The following COL3A1 variants were observed in gnomAD, a reference collection of about 807,000 sequenced individuals.
The protein encoded by COL3A1 is collagen type III alpha 1 chain.
A neutral mutation model predicts 200.9 loss-of-function variants in COL3A1; 46 were observed. That is an observed-to-expected ratio of 0.23 (90% CI 0.18 to 0.29). The LOEUF is 0.29. Among genes scored for constraint, COL3A1 ranks in the 10% least tolerant of loss-of-function variants. The pLI is 1.00. For missense variants in COL3A1, 1,367 were observed against 1,917.6 expected (o/e 0.71, Z 5.36); for synonymous variants, 650 against 628.0 (o/e 1.03, Z -0.52).
intron 6 of COL3A1, 22 bp from the exon 7 acceptor site, chr2:188,988,568 A>G (rs750363113): frequency 6.4e-7 from 1 of 1,550,420 alleles, no homozygotes; most frequent in Non-Finnish European, 8.9e-7. Context: ...CTTTAAAATT[A>G]TTTACATATT....
chr2:188,985,269 G>T (rs1688041673), intron 3 of COL3A1, 22 bp downstream of exon 3: 1 of 1,581,828 alleles, frequency 6.3e-7, no homozygotes. Flanking sequence ...TTCTTCAGTA[G>T]AATAAAATTA....
chr2:188,987,266 A>C, intron 5 of COL3A1, 127 bp downstream of exon 5: 2 of 763,180 alleles, frequency 2.6e-6, no homozygotes, highest in Non-Finnish European at 4.6e-6. Flanking sequence ...ACCCCTACTA[A>C]GGTTGGAAAA....
chr2:188,992,076 G>A, intron 13 of COL3A1, 108 bp from the exon 14 acceptor site: 3 of 1,002,450 alleles, frequency 3.0e-6, no homozygotes, highest in Non-Finnish European at 4.8e-6. Context: ...AGATTTTAAT[G>A]TACTTGAAGA....
chr2:189,003,112 A>G (rs1559060269), intron 36 of COL3A1, 50 bp downstream of exon 36: 6 of 1,383,724 alleles, frequency 4.3e-6, no homozygotes, highest in East Asian at 2.5e-5. Flanking sequence ...CTATCTATCT[A>G]TTGATTATCT....
At chr2:188,981,043 G>T (rs1398965359) in intron 1 of COL3A1, among the ~76,000 whole-genome samples, 2 of 151,234 alleles carry the variant, frequency 1.3e-5, no homozygotes, top group East Asian at 1.9e-4. Context: ...GTGCTTTAGG[G>T]AATAATATTA....
At position 188,974,583 on chromosome 2, in the gene COL3A1, A is replaced by C; in HGVS notation, c.79+15A>C. The C allele has an allele frequency of 6.2e-7, 1 of 1,607,306 alleles. No individual in the cohort carries two copies. The highest frequency in any genetic ancestry group is 8.5e-7 in the Non-Finnish European group (1 of 1,173,776). On this transcript the variant is annotated intron_variant, in intron 1 of 50. Transcript: ENST00000304636. Reference sequence around the variant, plus strand: ...ACAACAGGAAGGTGAGTAGGTACTGATTTCAAGAAACTTTATGGGATTTTT... The same window carrying C: ...ACAACAGGAAGGTGAGTAGGTACTGCTTTCAAGAAACTTTATGGGATTTTT...
chr2:189,001,585 G>T lies in COL3A1; in HGVS notation c.2387G>T (p.Ser796Ile). The T allele has an allele frequency of 3.1e-6, 5 of 1,613,648 alleles. No homozygotes were observed. Among genetic ancestry groups the T allele is most frequent in the Non-Finnish European group, 4.2e-6 (5 of 1,179,998 alleles). Residue 796 changes from serine to isoleucine, a missense_variant, in exon 34 of 51, where the codon AGC becomes ATC. Transcript: ENST00000304636. ...CCAGGTATAGCTGGACCTCGTGGTA[G>T]CCCTGTAAGTGTTAAAGACATTCTC... is the stretch of plus-strand genomic sequence containing the variant. Reference protein sequence around the residue: ...GLPGIAGPRGSPGERGETGPP... With the variant: ...GLPGIAGPRGIPGERGETGPP...
In COL3A1 at chr2:188,994,552, T is replaced by A; in HGVS notation, c.1305T>A (p.Gly435=). Residue 435 remains glycine, a synonymous_variant, in exon 19 of 51, where the codon GGT becomes GGA. Transcript: ENST00000304636. This position sits in a 1 kb window ranked among gnomAD's most constrained non-coding sequence, Gnocchi z 4.5. ...TTGTTATACTTTAGGGTGAGCCTGG[T>A]AAGAATGGTGCCAAAGGAGAGCCCG... is the stretch of plus-strand genomic sequence containing the variant. ...PGLRGGAGEP[G]KNGAKGEPGP... 1 of 1,614,158 alleles carries A rather than the reference T, an allele frequency of 6.2e-7. No homozygotes were observed. Among genetic ancestry groups the A allele is most frequent in the Non-Finnish European group, 8.5e-7 (1 of 1,180,028 alleles).
At chr2:188,993,516 A>G in intron 16 of COL3A1, 57 bp downstream of exon 16, 2 of 1,374,908 alleles carry the variant, frequency 1.5e-6, no homozygotes, top group East Asian at 2.5e-5. Context: ...CCATGAAAGC[A>G]TAGTTTCATG....
intron 44 of COL3A1, 87 bp downstream of exon 44, chr2:189,007,077 T>C (rs1688602418): frequency 1.4e-6 from 1 of 725,596 alleles, no homozygotes; most frequent in African/African-American, 1.9e-5. Context: ...TTTTCCAGCG[T>C]GTTCAGGAAA....
At chr2:189,007,141 T>G in intron 44 of COL3A1, 151 bp downstream of exon 44, 1 of 135,410 alleles carries the variant, frequency 7.4e-6, no homozygotes, top group Non-Finnish European at 1.3e-5. Context: ...ATATATATAT[T>G]TGTTCTATCT....
chr2:188,976,432 A>G (rs1687817886), intron 1 of COL3A1, among the ~76,000 whole-genome samples: 1 of 152,164 alleles, frequency 6.6e-6, no homozygotes, highest in Non-Finnish European at 1.5e-5. Context: ...AAAGAGTTGA[A>G]AGAGAACTGT....
Position 189,003,020 on chromosome 2 carries a change from C to G in COL3A1, c.2511C>G (p.Gly837=). Residue 837 remains glycine, a synonymous_variant, in exon 36 of 51, where the codon GGC becomes GGG. Transcript: ENST00000304636. ...RGAPGEKGEG[G]PPGVAGPPGG... is the part of the protein sequence containing the mutation. ...CTCCGGGTGAGAAAGGTGAAGGAGG[C>G]CCTCCTGGAGTTGCAGGACCCCCTG... 1 of 1,551,532 alleles carries G rather than the reference C, an allele frequency of 6.4e-7. No homozygotes were observed. The highest frequency in any genetic ancestry group is 8.7e-7 in the Non-Finnish European group (1 of 1,146,950).
Position 189,003,080 on chromosome 2 carries a change from T to C in COL3A1, c.2553+18T>C. The C allele has an allele frequency of 1.3e-6, 2 of 1,495,436 alleles. No homozygotes were observed. The highest frequency in any genetic ancestry group is 1.8e-6 in the Non-Finnish European group (2 of 1,095,846). 92.6% of individuals were successfully genotyped at this position (1,495,436 alleles called of 1,614,324 possible). The stretch of plus-strand genomic sequence containing the variant: ...GACCTGCTGTAAGTTCCTTCCTCTT[T>C]CTCTGTCTATCTATCTATCATCTAT... On this transcript the variant is annotated intron_variant, in intron 36 of 50. Coordinates refer to ENST00000304636, the MANE Select transcript of COL3A1 (RefSeq NM_000090.4).
chr2:188,983,932 A>G (rs1418287243), intron 1 of COL3A1, among the ~76,000 whole-genome samples: 4 of 151,978 alleles, frequency 2.6e-5, no homozygotes, highest in African/African-American at 9.7e-5. Context: ...GCTGATTCAT[A>G]GTTAATAGCT....
Position 189,004,380 on chromosome 2 carries a change from T to A in COL3A1, c.2931+16T>A. On this transcript the variant is annotated intron_variant, in intron 40 of 50. Transcript: ENST00000304636. Reference sequence around the variant, plus strand: ...GGGTGTCAAGGTGAGTATAGTCATTTTCCACTACACTCTTCCTTCCTTTGG... The same window carrying A: ...GGGTGTCAAGGTGAGTATAGTCATTATCCACTACACTCTTCCTTCCTTTGG... 6.4e-7 allele frequency: 1 copy of A among 1,569,402 alleles called. No individual in the cohort carries two copies. Among genetic ancestry groups the A allele is most frequent in the Non-Finnish European group, 8.7e-7 (1 of 1,153,482 alleles).
At chr2:188,995,327 A>G (rs188855547) in intron 21 of COL3A1, among the ~76,000 whole-genome samples, 40 of 152,334 alleles carry the variant, frequency 2.6e-4, no homozygotes, top group African/African-American at 9.4e-4. Context: ...ATTGGAAAGC[A>G]TTTATCTGAG....
chr2:189,012,096 G>T lies in COL3A1; in HGVS notation c.*322G>T. 3.1e-6 allele frequency: 1 copy of T among 320,598 alleles called. No individual in the cohort carries two copies. Among genetic ancestry groups the T allele is most frequent in the South Asian group, 3.2e-5 (1 of 30,850 alleles). The allele number at this position is 320,598 out of a possible 1,614,324, so 19.9% of individuals were successfully genotyped here. On this transcript the variant is annotated 3_prime_UTR_variant, in exon 51 of 51. Transcript: ENST00000304636. Reference sequence around the variant, plus strand: ...TTCTTTGAATCCTAGCCCATCTGCAGAGCAATGACTGTGCTCACCAGTAAA... The same window carrying T: ...TTCTTTGAATCCTAGCCCATCTGCATAGCAATGACTGTGCTCACCAGTAAA...
At chr2:188,998,131 T>TG in intron 27 of COL3A1, 135 bp from the exon 28 acceptor site, 2 of 760,244 alleles carry the variant, frequency 2.6e-6, no homozygotes, top group Non-Finnish European at 4.5e-6. Flanking sequence ...GGATTTTGAG[T>TG]GGCACAACGT....
Sources: gnomAD v4.1 joint callset for allele counts (sites outside exome capture counted in the v4.1 genomes callset) on GRCh38, gnomAD v4.1.1 for gene constraint, Gnocchi (gnomAD v3.1) non-coding constraint, MANE v1.5 for transcripts, NCBI Gene and HGNC (gene_info 2026-07-23, HGNC 2026-07-21) for gene names.